Variants in ADAMTS17 observed in about 807,000 individuals in gnomAD.
ADAMTS17 encodes the protein ADAM metallopeptidase with thrombospondin type 1 motif 17, also known as A disintegrin and metalloproteinase with thrombospondin motifs 17.
A neutral mutation model predicts 141.5 loss-of-function variants in ADAMTS17; 113 were observed. The observed-to-expected ratio is 0.80, with a 90% CI of 0.69 to 0.93. The LOEUF (loss-of-function observed/expected upper bound fraction) is 0.93. ADAMTS17 is among the 40% of genes least tolerant of loss of function. The pLI, the probability that ADAMTS17 is intolerant of heterozygous loss-of-function variation, is 0.00. For missense variants in ADAMTS17, 1,659 were observed against 1,517.9 expected (o/e 1.09, Z -1.54); for synonymous variants, 768 against 630.6 (o/e 1.22, Z -3.27).
At chr15:100,273,989 C>T (rs2043997436) in intron 4 of ADAMTS17, among the ~76,000 whole-genome samples, 1 of 152,012 alleles carries the variant, frequency 6.6e-6, no homozygotes, top group African/African-American at 2.4e-5. Flanking sequence ...GTGAATTTTC[C>T]AGTTTTCCTT....
chr15:100,250,590 G>T (rs2043123208), intron 7 of ADAMTS17, among the ~76,000 whole-genome samples: 1 of 152,218 alleles, frequency 6.6e-6, no homozygotes, highest in Non-Finnish European at 1.5e-5. Context: ...GTCCGAGGGG[G>T]CATCTCAGCC....
chr15:100,110,864 T>A (rs1423198944), intron 13 of ADAMTS17, among the ~76,000 whole-genome samples: 1 of 151,954 alleles, frequency 6.6e-6, no homozygotes, highest in East Asian at 1.9e-4. Context: ...ACCTGCAGAG[T>A]TCCTGTCAGA....
chr15:100,251,803 T>C (rs2043163943), intron 7 of ADAMTS17, among the ~76,000 whole-genome samples: 1 of 152,182 alleles, frequency 6.6e-6, no homozygotes, highest in Non-Finnish European at 1.5e-5. Context: ...CCAGTATGAC[T>C]GGCGTCCTTT....
chr15:100,235,494 G>C (rs750504236), intron 7 of ADAMTS17, among the ~76,000 whole-genome samples: 4 of 152,064 alleles, frequency 2.6e-5, no homozygotes, highest in African/African-American at 2.4e-5. Flanking sequence ...ACTCAGATCA[G>C]TGGTTCTCAA....
At chr15:100,108,189 C>T (rs959969678) in intron 14 of ADAMTS17, among the ~76,000 whole-genome samples, 8 of 151,384 alleles carry the variant, frequency 5.3e-5, no homozygotes, top group Non-Finnish European at 1.0e-4. Flanking sequence ...TTTTTCCCCC[C>T]GAGACGGAGT....
At chr15:99,986,108 C>CCCACAGCAAGTGGGGG (rs533672221) in intron 20 of ADAMTS17, among the ~76,000 whole-genome samples, 1,805 of 152,376 alleles carry the variant, frequency 0.012, 8 homozygotes, top group Non-Finnish European at 0.018. Flanking sequence ...TGGCCACATG[C>CCCACAGCAAGTGGGGG]CCACAGCAAG....
rs1181628247 is a variant in ADAMTS17, at chr15:99,971,440, T to A, written c.*2962A>T. ...TACTTCACAGACAGCTTTAAACTGT[T>A]ATGGAAAAACATTTTATTACACATA... is the stretch of plus-strand genomic sequence containing the variant. On this transcript the variant is annotated 3_prime_UTR_variant, in exon 22 of 22. Coordinates refer to ENST00000268070, the MANE Select transcript of ADAMTS17 (RefSeq NM_139057.4). 6.6e-6 allele frequency: 1 copy of A among 152,218 alleles called. No homozygotes were observed. The highest frequency in any genetic ancestry group is 1.5e-5 in the Non-Finnish European group (1 of 68,032). 9.4% of individuals were successfully genotyped at this position (152,218 alleles called of 1,614,324 possible). A position where few individuals can be genotyped will look rare whatever the true frequency, so the allele number is the denominator to read the frequency against.
intron 15 of ADAMTS17, among the ~76,000 whole-genome samples, chr15:100,070,538 C>T (rs1167462648): frequency 1.3e-5 from 2 of 150,090 alleles, no homozygotes; most frequent in Non-Finnish European, 3.0e-5. Context: ...TTATAACAAA[C>T]TGTCTCTCAG....
chr15:100,070,984 A>G (rs537153266), intron 15 of ADAMTS17, among the ~76,000 whole-genome samples: 12 of 150,428 alleles, frequency 8.0e-5, no homozygotes, highest in African/African-American at 2.7e-4. Context: ...AACAAAATTG[A>G]CAGACCACTA....
chr15:100,207,279 A>G lies in ADAMTS17; in HGVS notation c.1076-7856T>C, dbSNP rs534242866. 1.5e-3 allele frequency among the ~76,000 whole-genome samples: 223 copies of G among 152,340 alleles called. 6 individuals carry two copies. In the South Asian group the frequency reaches 0.045, roughly 31 times the overall value. On this transcript the variant is annotated intron_variant, in intron 7 of 21. Transcript: ENST00000268070. The stretch of plus-strand genomic sequence containing the variant: ...CACAGTGAGAAGGCAGCTGTCGACA[A>G]GCCAGGAAAGAGATTCCTTATCCCA...
At position 100,227,430 on chromosome 15, in the gene ADAMTS17, TTTTC is replaced by T. The variant is rs752212455; in HGVS notation, c.1075+26702_1075+26705del. ...ATATGGAGATCTCAGATCCACCCACTTTTCTTTATCTCCCCTAAATGACTGTACA... is the reference window on the plus strand; with the variant it reads ...ATATGGAGATCTCAGATCCACCCACTTTTATCTCCCCTAAATGACTGTACA... On this transcript the variant is annotated intron_variant, in intron 7 of 21. Coordinates refer to ENST00000268070, the MANE Select transcript of ADAMTS17 (RefSeq NM_139057.4). 1.2e-4 allele frequency among the ~76,000 whole-genome samples: 18 copies of T among 151,656 alleles called. 1 individual carries two copies. The highest frequency in any genetic ancestry group is 6.3e-3 in the Middle Eastern group (2 of 316).
At chr15:100,027,612 G>T (rs190814824) in intron 18 of ADAMTS17, among the ~76,000 whole-genome samples, 7 of 152,362 alleles carry the variant, frequency 4.6e-5, no homozygotes, top group Non-Finnish European at 1.0e-4. Flanking sequence ...ATAGAATTGA[G>T]TAGTTAAGAC....
intron 18 of ADAMTS17, among the ~76,000 whole-genome samples, chr15:99,999,413 A>G (rs1323993612): frequency 6.6e-6 from 1 of 152,186 alleles, no homozygotes; most frequent in Admixed American, 6.5e-5. Flanking sequence ...TGGGAAGTGG[A>G]CATCTCAGGA....
intron 18 of ADAMTS17, among the ~76,000 whole-genome samples, chr15:100,018,938 C>G (rs376449121): frequency 6.6e-6 from 1 of 152,194 alleles, no homozygotes; most frequent in African/African-American, 2.4e-5. Flanking sequence ...GAGTAAAGCT[C>G]AAGTTATGTA....
At position 100,055,202 on chromosome 15, in the gene ADAMTS17, T is replaced by TA. The variant is rs1204012261; in HGVS notation, c.2138-1149dup. Among the ~76,000 whole-genome samples the TA allele has an allele frequency of 3.3e-5, 5 of 152,206 alleles. No homozygotes were observed. The East Asian group carries it at 9.6e-4, about 29-fold the overall frequency. On this transcript the variant is annotated intron_variant, in intron 15 of 21. Coordinates refer to ENST00000268070, the MANE Select transcript of ADAMTS17 (RefSeq NM_139057.4). ...ATCTACATATATCTCATTGGGACCCTACTCAGTCCATATCAATGAAATCAG... is the reference window on the plus strand; with the variant it reads ...ATCTACATATATCTCATTGGGACCCTAACTCAGTCCATATCAATGAAATCAG...
chr15:100,050,550 A>G (rs1313985136), intron 17 of ADAMTS17, among the ~76,000 whole-genome samples: 1 of 152,248 alleles, frequency 6.6e-6, no homozygotes, highest in Non-Finnish European at 1.5e-5. Flanking sequence ...TGGTTGGCCA[A>G]GATGCCCAGG....
chr15:100,159,193 A>G (rs1332843695), intron 8 of ADAMTS17, among the ~76,000 whole-genome samples: 1 of 152,248 alleles, frequency 6.6e-6, no homozygotes, highest in Non-Finnish European at 1.5e-5. Context: ...AGCATTATTC[A>G]CAATAGCCAA....
intron 18 of ADAMTS17, among the ~76,000 whole-genome samples, chr15:100,016,896 G>A (rs1186365043): frequency 2.0e-5 from 3 of 152,198 alleles, no homozygotes; most frequent in African/African-American, 7.2e-5. Flanking sequence ...AGTATGGAGA[G>A]GGATCAGTGG....
chr15:100,090,431 C>T (rs1031924025), intron 15 of ADAMTS17, among the ~76,000 whole-genome samples: 1 of 152,206 alleles, frequency 6.6e-6, no homozygotes, highest in African/African-American at 2.4e-5. Flanking sequence ...GCTGATGGGG[C>T]CCTGATCAAT....
Sources: gnomAD v4.1 joint callset for allele counts (sites outside exome capture counted in the v4.1 genomes callset) on GRCh38, gnomAD v4.1.1 for gene constraint, MANE v1.5 for transcripts, NCBI Gene and HGNC (gene_info 2026-07-23, HGNC 2026-07-21) for gene names.